Variants in STRBP observed in about 807,000 individuals in gnomAD.
STRBP encodes spermatid perinuclear RNA-binding protein.
A neutral mutation model predicts 80.1 loss-of-function variants in STRBP; 13 were observed. That is an observed-to-expected ratio of 0.16 (90% confidence interval 0.11 to 0.26). The LOEUF is 0.26. Ranked by LOEUF, STRBP falls within the 10% of genes least tolerant of loss-of-function variation. The probability of loss-of-function intolerance (pLI) is 1.00; values close to 1 mark genes in which losing one functional copy is unlikely to be tolerated. For synonymous variants in STRBP, 284 were observed against 291.2 expected (o/e 0.98, Z 0.25); for missense variants, 485 against 815.2 (o/e 0.59, Z 4.93).
intron 2 of STRBP, among the ~76,000 whole-genome samples, chr9:123,226,466 G>A (rs900268762): frequency 6.6e-6 from 1 of 152,150 alleles, no homozygotes; most frequent in African/African-American, 2.4e-5. Context: ...TCAAACTCAG[G>A]TTCTAATTCA....
intron 2 of STRBP, among the ~76,000 whole-genome samples, chr9:123,207,718 A>G (rs1564300023): frequency 6.6e-6 from 1 of 152,180 alleles, no homozygotes; most frequent in Non-Finnish European, 1.5e-5. Flanking sequence ...TGTATCCCAG[A>G]ACTTAAAGTA....
chr9:123,125,410 CTTTT>C lies in STRBP; in HGVS notation c.*183_*186del. 9.9e-7 allele frequency: 1 copy of C among 1,008,012 alleles called. No individual in the cohort carries two copies. Among genetic ancestry groups the C allele is most frequent in the Non-Finnish European group, 1.3e-6 (1 of 796,072 alleles). The allele number at this position is 1,008,012 out of a possible 1,614,324, so 62.4% of individuals were successfully genotyped here. Reference sequence around the variant, plus strand: ...GGTACCGTTTTCACAGAACTGGTTTCTTTTTTTTTTTTCAAGTTTTAGAGAACTA... The same window carrying C: ...GGTACCGTTTTCACAGAACTGGTTTCTTTTTTTTCAAGTTTTAGAGAACTA... On this transcript the variant is annotated 3_prime_UTR_variant, in exon 19 of 19. Transcript: ENST00000348403.
Position 123,124,235 on chromosome 9 carries a change from A to T in STRBP, c.*1362T>A. 2.0e-6 allele frequency: 2 copies of T among 985,438 alleles called. No individual in the cohort carries two copies. Among genetic ancestry groups the T allele is most frequent in the Non-Finnish European group, 2.4e-6 (2 of 829,934 alleles). The allele number at this position is 985,438 out of a possible 1,614,324, so 61.0% of individuals were successfully genotyped here. On this transcript the variant is annotated 3_prime_UTR_variant, in exon 19 of 19. Transcript: ENST00000348403. ...ATAGGGAAAATGAAAGCTAATTCAT[A>T]CTAAAAACAGACATTTTTAAGACAT... is the stretch of plus-strand genomic sequence containing the variant.
Position 123,132,854 on chromosome 9 carries a change from T to A in STRBP, c.1888A>T (p.Ile630Leu), listed in dbSNP as rs41278250. The change falls in exon 17 of 19, where the codon ATA becomes TTA. Residue 630 changes from isoleucine (I) to leucine (L), a missense_variant. Ile to Leu is a conservative substitution (Grantham distance 5). This residue lies in a region of STRBP where 85 missense variants were observed against 120.1 expected (regional missense o/e 0.71). Transcript: ENST00000348403. ...GCAGTTTGTACTATACCTGGAGCTA[T>A]GTAGCCAGGAGCAGCTGTCGCCCCA... ...FVGATAAPGY[I>L]APGYGTPYGY... 1 of 1,614,106 alleles carries A rather than the reference T, an allele frequency of 6.2e-7. No individual in the cohort carries two copies.
rs1234781381 is a variant in STRBP at position 123,115,494 on chromosome 9, T to C, written c.*84+435A>G. Reference sequence around the variant, plus strand: ...CTCTGCACCTCTTTCTTCCCCTCCCTGTACTCTCCATCTGGGTCAATGATT... The same window carrying C: ...CTCTGCACCTCTTTCTTCCCCTCCCCGTACTCTCCATCTGGGTCAATGATT... On this transcript the variant is annotated intron_variant and NMD_transcript_variant, in intron 3 of 3. Coordinates refer to the STRBP transcript ENST00000471564. The surrounding 1 kb of genome is among the most constrained non-coding windows in gnomAD (Gnocchi z 5.0). 1 of 410,860 alleles carries C rather than the reference T, an allele frequency of 2.4e-6. No individual in the cohort carries two copies. The highest frequency in any genetic ancestry group is 5.1e-6 in the Non-Finnish European group (1 of 196,972). The allele number at this position is 410,860 out of a possible 1,614,324, so 25.5% of individuals were successfully genotyped here. A position where few individuals can be genotyped will look rare whatever the true frequency, so the allele number is the denominator to read the frequency against.
At position 123,265,066 on chromosome 9, in the gene STRBP, C is replaced by T. The variant is rs151216185; in HGVS notation, c.-302+3370G>A. On this transcript the variant is annotated intron_variant, in intron 1 of 18. Transcript: ENST00000348403. ...ATCTCAAAATACTCAGAGTTTCAAT[C>T]GAAGGGACATTATACTCTAAAAATC... Among the ~76,000 whole-genome samples, 1,166 of 152,164 alleles carry T rather than the reference C, an allele frequency of 7.7e-3. 21 individuals are homozygous for T. The highest frequency in any genetic ancestry group is 0.027 in the African/African-American group (1,122 of 41,512).
At chr9:123,208,468 T>G (rs1175768530) in intron 2 of STRBP, among the ~76,000 whole-genome samples, 2 of 152,120 alleles carry the variant, frequency 1.3e-5, no homozygotes, top group Non-Finnish European at 2.9e-5. Context: ...TAGGACTTAC[T>G]CTAGTGCAGG....
intron 1 of STRBP, among the ~76,000 whole-genome samples, chr9:123,265,995 C>G (rs1564345220): frequency 6.6e-6 from 1 of 152,180 alleles, no homozygotes; most frequent in Non-Finnish European, 1.5e-5. Flanking sequence ...CCCATGCTGC[C>G]TGAATACTGA....
At chr9:123,151,825 A>G (rs932275110) in intron 11 of STRBP, among the ~76,000 whole-genome samples, 2 of 152,174 alleles carry the variant, frequency 1.3e-5, no homozygotes, top group African/African-American at 2.4e-5. Context: ...AAAACTACAG[A>G]AAAGAGCAGA....
At chr9:123,259,657 C>A (rs1300191878) in intron 1 of STRBP, among the ~76,000 whole-genome samples, 1 of 152,014 alleles carries the variant, frequency 6.6e-6, no homozygotes, top group South Asian at 2.1e-4. Flanking sequence ...TGCGGTAAGC[C>A]GAGATCACGC....
chr9:123,156,549 CA>C (rs1444066947), intron 11 of STRBP, among the ~76,000 whole-genome samples: 1 of 150,294 alleles, frequency 6.7e-6, no homozygotes, highest in Non-Finnish European at 1.5e-5. Flanking sequence ...AAAAATAAAA[CA>C]AAACAATTTT....
At position 123,136,513 on chromosome 9, in the gene STRBP, T is replaced by G. The variant is rs1294008179; in HGVS notation, c.1500A>C (p.Val500=). 2 of 1,613,040 alleles carry G rather than the reference T, an allele frequency of 1.2e-6. No individual in the cohort carries two copies. The highest frequency in any genetic ancestry group is 1.7e-6 in the Non-Finnish European group (2 of 1,179,812). The change falls in exon 15 of 19, where the codon GTA becomes GTC. Residue 500 remains valine, a splice_region_variant and synonymous_variant. Coordinates refer to ENST00000348403, the MANE Select transcript of STRBP (RefSeq NM_018387.5). The surrounding 1 kb of genome is among the most constrained non-coding windows in gnomAD (Gnocchi z 4.2). ...STTETSSTLE[V]RTQGPILTAS... ...CTGTGAGGATAGGGCCCTGAGTTCT[T>G]ACCTATAAGAGAAAGGGAATCTGAA...
chr9:123,225,569 T>A (rs1488204893), intron 2 of STRBP, among the ~76,000 whole-genome samples: 1 of 152,230 alleles, frequency 6.6e-6, no homozygotes, highest in Non-Finnish European at 1.5e-5. Flanking sequence ...TCAAAGAAGC[T>A]GGGTCCTCAG....
At chr9:123,189,761 T>C (rs981841755) in intron 2 of STRBP, among the ~76,000 whole-genome samples, 15 of 151,738 alleles carry the variant, frequency 9.9e-5, no homozygotes, top group African/African-American at 3.6e-4. Context: ...GATGAGTTGA[T>C]GGGTGCAGCA....
intron 12 of STRBP, 56 bp from the exon 13 acceptor site, chr9:123,147,110 T>C (rs759122057): frequency 2.9e-4 from 449 of 1,546,188 alleles, no homozygotes; most frequent in Non-Finnish European, 3.7e-4. Flanking sequence ...TTTTGCTTTA[T>C]GCGTTTTTGG....
intron 1 of STRBP, among the ~76,000 whole-genome samples, chr9:123,249,793 T>C (rs1454450809): frequency 6.6e-6 from 1 of 152,220 alleles, no homozygotes; most frequent in East Asian, 1.9e-4. Flanking sequence ...CAAGACCTTT[T>C]CAGGGGTCTG....
At chr9:123,192,321 A>C (rs1411934684) in intron 2 of STRBP, among the ~76,000 whole-genome samples, 6 of 152,234 alleles carry the variant, frequency 3.9e-5, no homozygotes, top group Admixed American at 3.3e-4. Flanking sequence ...ATACAAAAAA[A>C]GCAAAAGGAG....
intron 1 of STRBP, among the ~76,000 whole-genome samples, chr9:123,239,749 T>A (rs761666686): frequency 3.3e-5 from 5 of 152,234 alleles, no homozygotes; most frequent in Non-Finnish European, 5.9e-5. Flanking sequence ...AGTTATAAAA[T>A]ATTTGATAAA....
chr9:123,115,929 C>T lies in STRBP; in HGVS notation c.*84G>A, dbSNP rs1049433447. The T allele has an allele frequency of 4.6e-6, 2 of 436,454 alleles. No homozygotes were observed. The highest frequency in any genetic ancestry group is 2.1e-5 in the African/African-American group (1 of 48,660). The allele number at this position is 436,454 out of a possible 1,614,324, so 27.0% of individuals were successfully genotyped here. A position where few individuals can be genotyped will look rare whatever the true frequency, so the allele number is the denominator to read the frequency against. On this transcript the variant is annotated splice_region_variant and 3_prime_UTR_variant and NMD_transcript_variant, in exon 3 of 4. Coordinates refer to the STRBP transcript ENST00000471564. The surrounding 1 kb of genome is among the most constrained non-coding windows in gnomAD (Gnocchi z 5.0). ...AATAAATATAATCCCTTAAAAATAC[C>T]TGGCAGGAGTGCCCACGTTCTCTCC...
Sources: allele counts gnomAD v4.1 joint callset (sites outside exome capture counted in the v4.1 genomes callset), GRCh38; gene constraint gnomAD v4.1.1; regional missense constraint gnomAD v4.1.1; non-coding constraint Gnocchi (gnomAD v3.1); transcripts MANE v1.5; gene names NCBI Gene and HGNC (gene_info 2026-07-23, HGNC 2026-07-21).